The following HIVEP2 variants were observed in gnomAD, a reference collection of about 807,000 sequenced individuals.
The protein encoded by HIVEP2 is transcription factor HIVEP2.
A neutral mutation model predicts 180.7 loss-of-function variants in HIVEP2; 14 were observed. The observed-to-expected ratio is 0.08, with a 90% CI of 0.05 to 0.12. HIVEP2 has a LOEUF of 0.12. Among genes scored for constraint, HIVEP2 ranks in the 10% least tolerant of loss-of-function variants. The pLI is 1.00. For missense variants in HIVEP2, 2,579 were observed against 3,008.5 expected, an observed-to-expected ratio of 0.86 and a Z score of 3.34; for synonymous variants, 1,184 against 1,136.4, an observed-to-expected ratio of 1.04 and a Z score of -0.84.
At chr6:142,793,681 C>CTCTCTCTCTT (rs1776212630) in intron 2 of HIVEP2, among the ~76,000 whole-genome samples, 1 of 125,566 alleles carries the variant, frequency 8.0e-6, no homozygotes, top group East Asian at 2.7e-4. Context: ...CTTTCTCTCT[C>CTCTCTCTCTT]TCTCTCTCTC....
chr6:142,787,470 C>T (rs1280861182), intron 2 of HIVEP2, among the ~76,000 whole-genome samples: 1 of 149,018 alleles, frequency 6.7e-6, no homozygotes, highest in Non-Finnish European at 1.5e-5. Context: ...AAAGTAGTGA[C>T]TAAAGATGGG....
chr6:142,845,809 G>A (rs758099052), intron 1 of HIVEP2, among the ~76,000 whole-genome samples: 1 of 152,244 alleles, frequency 6.6e-6, no homozygotes, highest in Admixed American at 6.5e-5. Flanking sequence ...CCCTGGCAGA[G>A]CTGCTGTCTT....
At position 142,945,064 on chromosome 6, in the gene HIVEP2, C is replaced by G. The variant is rs1257229810; in HGVS notation, c.-641+35G>C. 6.8e-6 allele frequency: 1 copy of G among 146,480 alleles called. No individual in the cohort carries two copies. The highest frequency in any genetic ancestry group is 2.4e-5 in the African/African-American group (1 of 40,894). The allele number at this position is 146,480 out of a possible 1,614,324, so 9.1% of individuals were successfully genotyped here. ...CTCGCGCCGCCAGCCCGCCCGGCCG[C>G]CTGCGCCGCGCGCCGCGGCCCCCTC... On this transcript the variant is annotated intron_variant, in intron 1 of 9. Transcript: ENST00000367603. The surrounding 1 kb of genome is among the most constrained non-coding windows in gnomAD (Gnocchi z 5.5).
intron 2 of HIVEP2, among the ~76,000 whole-genome samples, chr6:142,836,244 CAT>C (rs919286386): frequency 4.6e-5 from 7 of 152,054 alleles, no homozygotes; most frequent in African/African-American, 1.7e-4. Flanking sequence ...AAATCAGTAT[CAT>C]ATAAATTTCT....
intron 1 of HIVEP2, among the ~76,000 whole-genome samples, chr6:142,855,766 T>C (rs546754935): frequency 2.6e-5 from 4 of 152,344 alleles, no homozygotes; most frequent in East Asian, 1.9e-4. Context: ...AGTGTCAACG[T>C]TGGACTCAGG....
intron 2 of HIVEP2, among the ~76,000 whole-genome samples, chr6:142,812,304 C>T (rs576576425): frequency 6.6e-6 from 1 of 152,318 alleles, no homozygotes; most frequent in African/African-American, 2.4e-5. Flanking sequence ...CTAGTATTCA[C>T]AAAGGGCCGC....
chr6:142,841,538 T>C (rs1226429963), intron 1 of HIVEP2, among the ~76,000 whole-genome samples: 2 of 152,154 alleles, frequency 1.3e-5, no homozygotes, highest in Admixed American at 6.5e-5. Flanking sequence ...TTTTTTCAAA[T>C]GTTCATCGAT....
intron 5 of HIVEP2, among the ~76,000 whole-genome samples, chr6:142,769,344 C>G (rs1198508706): frequency 1.3e-5 from 2 of 152,174 alleles, no homozygotes; most frequent in African/African-American, 4.8e-5. Flanking sequence ...GCTTTTTCTT[C>G]TGAAAATGGA....
rs369559909 is a variant in HIVEP2, at chr6:142,771,668, T to C, written c.3071A>G (p.Gln1024Arg). 2 of 1,614,176 alleles carry C rather than the reference T, an allele frequency of 1.2e-6. No individual in the cohort carries two copies. The highest frequency in any genetic ancestry group is 1.7e-6 in the Non-Finnish European group (2 of 1,180,024). ...YSLSVPGHHH[Q>R]KEMRRCSSEQ... Reference sequence around the variant, plus strand: ...TGATGAGCAGCGTCGCATCTCTTTCTGGTGGTGATGGCCTGGGACAGACAA... The same window carrying C: ...TGATGAGCAGCGTCGCATCTCTTTCCGGTGGTGATGGCCTGGGACAGACAA... The change falls in exon 5 of 10, where the codon CAG (glutamine) becomes CGG (arginine). Residue 1024 changes from glutamine to arginine, a missense_variant. This residue lies in a region of HIVEP2 where 523 missense variants were observed against 577.0 expected (regional missense o/e 0.91). Transcript: ENST00000367603. This position sits in a 1 kb window ranked among gnomAD's most constrained non-coding sequence, Gnocchi z 5.4.
chr6:142,906,879 T>C (rs1226162405), intron 1 of HIVEP2, among the ~76,000 whole-genome samples: 1 of 152,234 alleles, frequency 6.6e-6, no homozygotes, highest in Non-Finnish European at 1.5e-5. Flanking sequence ...ATAAGATAGT[T>C]ATGCATCTTT....
intron 3 of HIVEP2, among the ~76,000 whole-genome samples, chr6:142,780,534 T>G (rs1289190077): frequency 6.6e-6 from 1 of 152,128 alleles, no homozygotes; most frequent in African/African-American, 2.4e-5. Flanking sequence ...TAAAGAAAGG[T>G]AGGTGGGAGA....
chr6:142,903,136 G>A (rs1777173372), intron 1 of HIVEP2, among the ~76,000 whole-genome samples: 1 of 152,112 alleles, frequency 6.6e-6, no homozygotes, highest in Admixed American at 6.5e-5. Flanking sequence ...ACTTAAGACT[G>A]AGCTAACTGA....
chr6:142,918,219 AT>A (rs1368047451), intron 1 of HIVEP2, among the ~76,000 whole-genome samples: 3 of 146,852 alleles, frequency 2.0e-5, no homozygotes, highest in Admixed American at 6.8e-5. Context: ...ACTTTTATTT[AT>A]TTATCAATAG....
intron 2 of HIVEP2, among the ~76,000 whole-genome samples, chr6:142,818,321 A>G (rs1303487657): frequency 6.6e-6 from 1 of 152,172 alleles, no homozygotes; most frequent in Non-Finnish European, 1.5e-5. Context: ...ACCTCTTACG[A>G]AATATTTACT....
chr6:142,793,485 A>T (rs1776189310), intron 2 of HIVEP2, among the ~76,000 whole-genome samples: 1 of 152,136 alleles, frequency 6.6e-6, no homozygotes, highest in South Asian at 2.1e-4. Flanking sequence ...TGATTACCAA[A>T]ATATGTATTG....
chr6:142,911,184 T>C (rs1777395212), intron 1 of HIVEP2, among the ~76,000 whole-genome samples: 1 of 141,014 alleles, frequency 7.1e-6, no homozygotes, highest in African/African-American at 2.8e-5. Flanking sequence ...ACAAACAACA[T>C]TTCAGGGGAG....
At chr6:142,817,262 C>G (rs1776866985) in intron 2 of HIVEP2, among the ~76,000 whole-genome samples, 1 of 152,134 alleles carries the variant, frequency 6.6e-6, no homozygotes, top group Admixed American at 6.5e-5. Context: ...TACTGTGGCT[C>G]CAGCTTAGAA....
intron 7 of HIVEP2, among the ~76,000 whole-genome samples, chr6:142,761,933 G>A (rs1775250103): frequency 6.6e-6 from 1 of 152,142 alleles, no homozygotes; most frequent in Non-Finnish European, 1.5e-5. Flanking sequence ...ACAGAAACAG[G>A]AAACGCAATC....
At chr6:142,815,968 A>G (rs1562247416) in intron 2 of HIVEP2, among the ~76,000 whole-genome samples, 1 of 152,224 alleles carries the variant, frequency 6.6e-6, no homozygotes, top group East Asian at 1.9e-4. Context: ...ATAACTTTGT[A>G]TTGGACAATA....
Sources: gnomAD v4.1 joint callset for allele counts (sites outside exome capture counted in the v4.1 genomes callset) on GRCh38, gnomAD v4.1.1 for gene constraint, gnomAD v4.1.1 regional missense constraint, Gnocchi (gnomAD v3.1) non-coding constraint, MANE v1.5 for transcripts, NCBI Gene and HGNC (gene_info 2026-07-23, HGNC 2026-07-21) for gene names.